Variants in PRKCE observed in about 807,000 individuals in gnomAD.
PRKCE encodes protein kinase C epsilon.
PRKCE carries 16 observed loss-of-function variants against 85.4 expected under a neutral mutation model. That is an observed-to-expected ratio of 0.19 (90% CI 0.13 to 0.28). The LOEUF is 0.28. Among genes scored for constraint, PRKCE ranks in the 10% least tolerant of loss-of-function variants. The pLI is 1.00. For synonymous variants in PRKCE, 388 were observed against 371.5 expected (o/e 1.04, Z -0.51); for missense variants, 573 against 975.2 (o/e 0.59, Z 5.49).
At chr2:46,070,372 G>T (rs892777699) in intron 10 of PRKCE, among the ~76,000 whole-genome samples, 1 of 152,208 alleles carries the variant, frequency 6.6e-6, no homozygotes, top group Admixed American at 6.5e-5. Flanking sequence ...GGCTGGGCGC[G>T]GTGGCGCATG....
chr2:45,821,951 ACAGCAG>A (rs1442197560), intron 1 of PRKCE, among the ~76,000 whole-genome samples: 1 of 152,196 alleles, frequency 6.6e-6, no homozygotes, highest in African/African-American at 2.4e-5. Context: ...AAGGGTGGGC[ACAGCAG>A]CTTACAGTGA....
chr2:46,010,340 G>A lies in PRKCE; in HGVS notation c.1264-4G>A. 1 of 1,587,880 alleles carries A rather than the reference G, an allele frequency of 6.3e-7. No homozygotes were observed. The highest frequency in any genetic ancestry group is 2.2e-5 in the East Asian group (1 of 44,566). ...GATTGATGGAGGCAATTGATTGATT[G>A]CAGGTCATGTTGGCAGAACTCAAGG... On this transcript the variant is annotated splice_polypyrimidine_tract_variant and splice_region_variant and intron_variant, in intron 9 of 14. Transcript: ENST00000306156.
intron 2 of PRKCE, among the ~76,000 whole-genome samples, chr2:45,900,948 A>C (rs1286468415): frequency 1.3e-5 from 2 of 152,230 alleles, no homozygotes; most frequent in Non-Finnish European, 2.9e-5. Flanking sequence ...TGAGTAAGGC[A>C]ATACAGGTAC....
At chr2:45,908,260 A>T (rs1007283367) in intron 2 of PRKCE, among the ~76,000 whole-genome samples, 1 of 152,176 alleles carries the variant, frequency 6.6e-6, no homozygotes, top group Admixed American at 6.5e-5. Flanking sequence ...GGAAAGAAAC[A>T]TGATAAAATA....
intron 2 of PRKCE, among the ~76,000 whole-genome samples, chr2:45,939,883 T>C (rs1214726066): frequency 2.0e-5 from 3 of 152,190 alleles, no homozygotes; most frequent in African/African-American, 7.2e-5. Flanking sequence ...ATGCTTGCTG[T>C]AAATTGTTTT....
intron 1 of PRKCE, among the ~76,000 whole-genome samples, chr2:45,759,410 G>A (rs886549085): frequency 3.3e-5 from 5 of 152,166 alleles, no homozygotes; most frequent in African/African-American, 9.7e-5. Context: ...TATCCATGTC[G>A]GTGCAGGGCT....
chr2:45,981,344 G>GGTA (rs1226244174), intron 5 of PRKCE, among the ~76,000 whole-genome samples: 1 of 152,160 alleles, frequency 6.6e-6, no homozygotes, highest in Admixed American at 6.5e-5. Context: ...AAAGGCCTTG[G>GGTA]GTAGGTTTAT....
chr2:46,083,245 C>A (rs1433414468), intron 10 of PRKCE, among the ~76,000 whole-genome samples: 1 of 152,200 alleles, frequency 6.6e-6, no homozygotes, highest in Non-Finnish European at 1.5e-5. Flanking sequence ...GCCACTACGC[C>A]CGGCCCATCC....
At chr2:45,788,839 C>A (rs191989011) in intron 1 of PRKCE, among the ~76,000 whole-genome samples, 1 of 152,230 alleles carries the variant, frequency 6.6e-6, no homozygotes, top group East Asian at 1.9e-4. Context: ...TTTCCTGATT[C>A]TTTAGCTTCA....
intron 6 of PRKCE, among the ~76,000 whole-genome samples, chr2:45,996,196 A>G (rs1436682012): frequency 6.6e-6 from 1 of 152,166 alleles, no homozygotes. Context: ...TGACTTTTGT[A>G]TATTAACTTT....
At chr2:45,742,927 T>C (rs919203150) in intron 1 of PRKCE, among the ~76,000 whole-genome samples, 3 of 152,238 alleles carry the variant, frequency 2.0e-5, no homozygotes, top group African/African-American at 7.2e-5. Context: ...AAAAATGGAA[T>C]ATTATTCAGC....
At chr2:45,794,222 C>G (rs543286582) in intron 1 of PRKCE, among the ~76,000 whole-genome samples, 1 of 152,102 alleles carries the variant, frequency 6.6e-6, no homozygotes, top group Non-Finnish European at 1.5e-5. Flanking sequence ...TCTCGGATAT[C>G]GACGTTTTAA....
chr2:45,908,860 G>A (rs550026915), intron 2 of PRKCE, among the ~76,000 whole-genome samples: 1 of 152,140 alleles, frequency 6.6e-6, no homozygotes, highest in East Asian at 1.9e-4. Context: ...CAGACAGGCT[G>A]TACAGTGGGC....
Position 45,982,437 on chromosome 2 carries a change from G to A in PRKCE, c.693+2056G>A, listed in dbSNP as rs940967941. On this transcript the variant is annotated intron_variant, in intron 5 of 14. Transcript: ENST00000306156. ...TGGGTGTCCTGCACCGTGAACACTC[G>A]GCCGGTCCCCCCCATCTCATGTCTG... 3.3e-5 allele frequency among the ~76,000 whole-genome samples: 5 copies of A among 152,158 alleles called. No individual in the cohort carries two copies. In the East Asian group the frequency reaches 7.7e-4, roughly 23 times the overall value.
chr2:45,669,313 A>C, intron 1 of PRKCE, among the ~76,000 whole-genome samples: 1 of 152,202 alleles, frequency 6.6e-6, no homozygotes. Context: ...TGTGGGTGGG[A>C]TTTACAGCAG....
At chr2:45,788,731 C>T (rs1010295343) in intron 1 of PRKCE, among the ~76,000 whole-genome samples, 1 of 152,208 alleles carries the variant, frequency 6.6e-6, no homozygotes, top group Non-Finnish European at 1.5e-5. Context: ...AAATCTAATT[C>T]TCTATTCAGA....
Position 46,004,983 on chromosome 2 carries a change from C to A in PRKCE, c.1063+345C>A, listed in dbSNP as rs61758279. ...ACAGCTCCCTCTCTTAAAGCTCTTG[C>A]CTGGCCCTAGACCTGTCAACACCAC... is the stretch of plus-strand genomic sequence containing the variant. On this transcript the variant is annotated intron_variant, in intron 8 of 14. Transcript: ENST00000306156. This position sits in a 1 kb window ranked among gnomAD's most constrained non-coding sequence, Gnocchi z 4.1. Among the ~76,000 whole-genome samples, 318 of 152,312 alleles carry A rather than the reference C, an allele frequency of 2.1e-3. No individual in the cohort carries two copies. The highest frequency in any genetic ancestry group is 7.5e-3 in the African/African-American group (313 of 41,558).
intron 2 of PRKCE, among the ~76,000 whole-genome samples, chr2:45,874,163 T>A (rs531043017): frequency 6.6e-6 from 1 of 152,326 alleles, no homozygotes; most frequent in South Asian, 2.1e-4. Flanking sequence ...TACTTATGAA[T>A]CCAGACTTAC....
chr2:45,873,934 G>C (rs904603455), intron 2 of PRKCE, among the ~76,000 whole-genome samples: 4 of 152,270 alleles, frequency 2.6e-5, no homozygotes, highest in African/African-American at 9.6e-5. Flanking sequence ...TAGGCACTGA[G>C]CTATTTTAGA....
Sources: allele counts gnomAD v4.1 joint callset (sites outside exome capture counted in the v4.1 genomes callset), GRCh38; gene constraint gnomAD v4.1.1; non-coding constraint Gnocchi (gnomAD v3.1); transcripts MANE v1.5; gene names NCBI Gene and HGNC (gene_info 2026-07-23, HGNC 2026-07-21).